Variants in NOD2 observed in about 807,000 individuals in gnomAD.
The protein encoded by NOD2 is nucleotide-binding oligomerization domain-containing protein 2.
A neutral mutation model predicts 90.9 loss-of-function variants in NOD2; 86 were observed. That is an observed-to-expected ratio of 0.95 (90% confidence interval 0.79 to 1.13). NOD2 has a LOEUF of 1.13. NOD2 is among the 50% of genes most tolerant of loss of function. The pLI is 0.00. For synonymous variants in NOD2, 581 were observed against 554.6 expected (o/e 1.05, Z -0.67); for missense variants, 1,238 against 1,283.8 (o/e 0.96, Z 0.55).
Position 50,711,123 on chromosome 16 carries a change from G to C in NOD2, c.1131G>C (p.Gln377His), listed in dbSNP as rs367630707. 20 of 1,614,036 alleles carry C rather than the reference G, an allele frequency of 1.2e-5. No homozygotes were observed. The highest frequency in any genetic ancestry group is 1.6e-5 in the Non-Finnish European group (19 of 1,180,032). ...CCCCGACCGACCCCACCTCTGTCCA[G>C]ACCCTGCTCTTCAACCTTCTGCAGG... ...HCSPTDPTSV[Q>H]TLLFNLLQGN... The change falls in exon 4 of 12, where the codon CAG becomes CAC. Residue 377 changes from glutamine (Q) to histidine (H), a missense_variant. By Grantham distance (24) the Gln-to-His change is conservative. Transcript: ENST00000647318.
intron 7 of NOD2, 115 bp downstream of exon 7, chr16:50,720,123 G>T: frequency 1.1e-6 from 1 of 881,104 alleles, no homozygotes; most frequent in East Asian, 2.5e-5. Flanking sequence ...AGCTCCAGTG[G>T]GGAGGACAAG....
Position 50,711,137 on chromosome 16 carries a change from A to T in NOD2, c.1145A>T (p.Asn382Ile), listed in dbSNP as rs1215923082. The T allele has an allele frequency of 1.3e-5, 21 of 1,613,936 alleles. No homozygotes were observed. Among genetic ancestry groups the T allele is most frequent in the Non-Finnish European group, 1.8e-5 (21 of 1,179,998 alleles). Residue 382 changes from asparagine (N) to isoleucine (I), a missense_variant, in exon 4 of 12, where the codon AAC becomes ATC. This residue lies in a region of NOD2 where 567 missense variants were observed against 577.3 expected (regional missense o/e 0.98). Transcript: ENST00000647318. ...DPTSVQTLLF[N>I]LLQGNLLKNA... Reference sequence around the variant, plus strand: ...ACCTCTGTCCAGACCCTGCTCTTCAACCTTCTGCAGGGCAACCTGCTGAAG... The same window carrying T: ...ACCTCTGTCCAGACCCTGCTCTTCATCCTTCTGCAGGGCAACCTGCTGAAG...
Position 50,712,178 on chromosome 16 carries a change from G to T in NOD2, c.2186G>T (p.Arg729Leu), listed in dbSNP as rs375713299. 2 of 1,613,930 alleles carry T rather than the reference G, an allele frequency of 1.2e-6. No individual in the cohort carries two copies. The highest frequency in any genetic ancestry group is 1.7e-6 in the Non-Finnish European group (2 of 1,180,046). ...LYEMQEERLA[R>L]KAARGLNVGH... ...GAGATGCAGGAGGAGCGGCTGGCTC[G>T]GAAGGCTGCACGTGGCCTGAATGTT... Residue 729 changes from arginine to leucine, a missense_variant, in exon 4 of 12, where the codon CGG becomes CTG. Transcript: ENST00000647318.
intron 3 of NOD2, among the ~76,000 whole-genome samples, chr16:50,709,126 A>G (rs1197136388): frequency 6.6e-6 from 1 of 152,134 alleles, no homozygotes; most frequent in Non-Finnish European, 1.5e-5. Context: ...CGGAAGAGGA[A>G]GATATATATC....
chr16:50,729,846 G>A lies in NOD2; in HGVS notation c.2914G>A (p.Gly972Arg). The A allele has an allele frequency of 6.2e-7, 1 of 1,613,104 alleles. No individual in the cohort carries two copies. Among genetic ancestry groups the A allele is most frequent in the Non-Finnish European group, 8.5e-7 (1 of 1,179,242 alleles). ...GTCCAATAACTGCATCACCTACCTA[G>A]GGGCAGAAGCCCTCCTGCAGGCCCT... ...KLSNNCITYL[G>R]AEALLQALER... The change falls in exon 11 of 12, where the codon GGG (glycine) becomes AGG (arginine). Residue 972 changes from glycine to arginine, a missense_variant. Gly to Arg is a moderately radical substitution (Grantham distance 125, BLOSUM62 -2). Around this residue, in one of 3 missense-constraint regions of NOD2, gnomAD observed 667 missense variants for 688.7 expected, o/e 0.97. Transcript: ENST00000647318.
chr16:50,697,457 C>T lies in NOD2; in HGVS notation c.-8-2031C>T, dbSNP rs542765581. On this transcript the variant is annotated intron_variant, in intron 1 of 11. Coordinates refer to ENST00000647318, the MANE Select transcript of NOD2 (RefSeq NM_001370466.1). ...CTGTTTTCTGGGGAGAATGGGTCGG[C>T]GGGTTTTTTTCCCCAGGACCTGGGC... 68 of 851,960 alleles carry T rather than the reference C, an allele frequency of 8.0e-5. 1 individual carries two copies. The African/African-American group carries it at 1.0e-3, about 13-fold the overall frequency. 52.8% of individuals were successfully genotyped at this position (851,960 alleles called of 1,614,324 possible).
At chr16:50,728,339 G>A in intron 10 of NOD2, 1 of 386,750 alleles carries the variant, frequency 2.6e-6, no homozygotes, top group Admixed American at 2.8e-5. Flanking sequence ...GCAGTTCCTG[G>A]GCCAAATGCA....
Position 50,711,139 on chromosome 16 carries a change from C to G in NOD2, c.1147C>G (p.Leu383Val). The change falls in exon 4 of 12, where the codon CTT (leucine) becomes GTT (valine). Residue 383 changes from leucine to valine, a missense_variant. Leu to Val is a conservative substitution (Grantham distance 32). This residue lies in a region of NOD2 where 567 missense variants were observed against 577.3 expected (regional missense o/e 0.98). Coordinates refer to ENST00000647318, the MANE Select transcript of NOD2 (RefSeq NM_001370466.1). The stretch of plus-strand genomic sequence containing the variant: ...CTCTGTCCAGACCCTGCTCTTCAAC[C>G]TTCTGCAGGGCAACCTGCTGAAGAA... ...PTSVQTLLFN[L>V]LQGNLLKNAR... is the part of the protein sequence containing the mutation. 6.2e-7 allele frequency: 1 copy of G among 1,614,184 alleles called. No homozygotes were observed. Among genetic ancestry groups the G allele is most frequent in the Non-Finnish European group, 8.5e-7 (1 of 1,180,028 alleles).
intron 4 of NOD2, 144 bp from the exon 5 acceptor site, chr16:50,716,443 T>G: frequency 1.3e-6 from 1 of 776,110 alleles, no homozygotes; most frequent in Non-Finnish European, 2.1e-6. Flanking sequence ...CTCCACTTTT[T>G]TGGGGTGCTC....
chr16:50,710,650 T>C lies in NOD2; in HGVS notation c.658T>C (p.Cys220Arg), dbSNP rs764675751. 5.6e-6 allele frequency: 9 copies of C among 1,614,110 alleles called. No individual in the cohort carries two copies. In the East Asian group the frequency reaches 1.6e-4, roughly 28 times the overall value. The part of the protein sequence containing the change: ...LSTYDGAETL[C>R]LEDIYTENVL... ...TACCTATGATGGAGCAGAGACGCTC[T>C]GCCTGGAGGACATATACACAGAGAA... Residue 220 changes from cysteine (C) to arginine (R), a missense_variant, in exon 4 of 12, where the codon TGC becomes CGC. Cys to Arg is a radical substitution (Grantham distance 180). Coordinates refer to ENST00000647318, the MANE Select transcript of NOD2 (RefSeq NM_001370466.1).
At chr16:50,694,068 G>A (rs1453566399) in intron 1 of NOD2, among the ~76,000 whole-genome samples, 1 of 152,060 alleles carries the variant, frequency 6.6e-6, no homozygotes, top group Admixed American at 6.5e-5. Flanking sequence ...TCCCTTCCCA[G>A]ACAGCCCACA....
intron 1 of NOD2, among the ~76,000 whole-genome samples, chr16:50,696,155 C>A (rs1413281183): frequency 6.6e-6 from 1 of 152,194 alleles, no homozygotes; most frequent in Non-Finnish European, 1.5e-5. Flanking sequence ...CTGGGCTTCC[C>A]CTCCTCTCCT....
At chr16:50,723,094 A>AG (rs1869063851) in intron 8 of NOD2, among the ~76,000 whole-genome samples, 1 of 151,748 alleles carries the variant, frequency 6.6e-6, no homozygotes, top group African/African-American at 2.4e-5. Flanking sequence ...CTAAAAAAAA[A>AG]AAAAAAAGAG....
intron 1 of NOD2, among the ~76,000 whole-genome samples, chr16:50,693,897 C>T (rs1461306696): frequency 6.6e-6 from 1 of 152,128 alleles, no homozygotes; most frequent in South Asian, 2.1e-4. Context: ...TCCTTCCTCT[C>T]TGTGGGACTC....
chr16:50,716,845 C>G, intron 5 of NOD2, 46 bp from the exon 6 acceptor site: 2 of 1,583,126 alleles, frequency 1.3e-6, no homozygotes, highest in Non-Finnish European at 1.7e-6. Flanking sequence ...TGCTCACTGT[C>G]CAATGTGCTT....
At chr16:50,704,859 T>C (rs1172266116) in intron 2 of NOD2, among the ~76,000 whole-genome samples, 2 of 152,226 alleles carry the variant, frequency 1.3e-5, no homozygotes, top group Admixed American at 6.5e-5. Flanking sequence ...CTTTTAAAAT[T>C]TTCTTTTAGT....
In NOD2 at chr16:50,712,125, G is replaced by C. The variant is rs143963486; in HGVS notation, c.2133G>C (p.Gly711=). Residue 711 remains glycine (G), a synonymous_variant, in exon 4 of 12, where the codon GGG becomes GGC. Coordinates refer to ENST00000647318, the MANE Select transcript of NOD2 (RefSeq NM_001370466.1). ...GEAKSVHAMP[G]FIWLIRSLYE... ...CCAAGAGCGTGCATGCCATGCCCGG[G>C]TTCATCTGGCTCATCCGGAGCCTGT... is the stretch of plus-strand genomic sequence containing the variant. 32 of 1,613,968 alleles carry C rather than the reference G, an allele frequency of 2.0e-5. No homozygotes were observed. The highest frequency in any genetic ancestry group is 2.5e-5 in the Non-Finnish European group (29 of 1,180,056).
At chr16:50,696,735 C>A (rs1862032325) in intron 1 of NOD2, among the ~76,000 whole-genome samples, 1 of 152,136 alleles carries the variant, frequency 6.6e-6, no homozygotes, top group South Asian at 2.1e-4. Flanking sequence ...CTGAATTGGC[C>A]CTCAGGATTC....
chr16:50,712,761 C>A (rs1363308976), intron 4 of NOD2: 2 of 305,172 alleles, frequency 6.6e-6, no homozygotes, highest in African/African-American at 2.1e-5. Flanking sequence ...AGGTTTTCTG[C>A]CTCCCACCAG....
Sources: gnomAD v4.1 joint callset for allele counts (sites outside exome capture counted in the v4.1 genomes callset) on GRCh38, gnomAD v4.1.1 for gene constraint, gnomAD v4.1.1 regional missense constraint, MANE v1.5 for transcripts, NCBI Gene and HGNC (gene_info 2026-07-23, HGNC 2026-07-21) for gene names.